CNTNAP2: variants seen among roughly 807,000 people sequenced by gnomAD.
The protein encoded by CNTNAP2 is contactin-associated protein-like 2.
In CNTNAP2, 98 loss-of-function variants were observed where a neutral mutation model predicts 155.2. The ratio of observed to expected loss-of-function variants is 0.63; its 90% CI spans 0.54 to 0.75. The LOEUF (loss-of-function observed/expected upper bound fraction) is 0.75. CNTNAP2 is among the 30% of genes least tolerant of loss of function. CNTNAP2 has a pLI of 0.00. For missense variants in CNTNAP2, 1,727 were observed against 1,688.1 expected (o/e 1.02, Z -0.40); for synonymous variants, 651 against 631.2 (o/e 1.03, Z -0.47).
At chr7:147,097,079 A>C (rs1041518145) in intron 4 of CNTNAP2, among the ~76,000 whole-genome samples, 1 of 152,262 alleles carries the variant, frequency 6.6e-6, no homozygotes, top group African/African-American at 2.4e-5. Flanking sequence ...CTCAAAAGAT[A>C]CTGCACACAT....
intron 13 of CNTNAP2, among the ~76,000 whole-genome samples, chr7:147,643,842 T>C (rs1301634410): frequency 2.6e-5 from 4 of 152,230 alleles, no homozygotes; most frequent in African/African-American, 9.6e-5. Context: ...GACCTCATTT[T>C]TATTTTGATA....
At chr7:146,634,470 A>G (rs573662010) in intron 1 of CNTNAP2, among the ~76,000 whole-genome samples, 2 of 152,282 alleles carry the variant, frequency 1.3e-5, no homozygotes, top group East Asian at 3.9e-4. Flanking sequence ...TCAAACATCA[A>G]TAGAGAGATT....
chr7:146,381,183 C>T (rs964406638), intron 1 of CNTNAP2, among the ~76,000 whole-genome samples: 6 of 152,044 alleles, frequency 3.9e-5, no homozygotes, highest in African/African-American at 1.4e-4. Context: ...GAACATGTCA[C>T]AAGCAGAGAC....
chr7:146,783,518 C>T (rs1419972494), intron 2 of CNTNAP2, among the ~76,000 whole-genome samples: 1 of 152,156 alleles, frequency 6.6e-6, no homozygotes. Flanking sequence ...ATCATTGACA[C>T]TTGTTATAAA....
intron 15 of CNTNAP2, among the ~76,000 whole-genome samples, chr7:148,077,958 C>T (rs1803524053): frequency 2.0e-5 from 3 of 152,060 alleles, no homozygotes; most frequent in African/African-American, 4.8e-5. Flanking sequence ...GATTATACCA[C>T]AGAGTTACTA....
Position 147,043,997 on chromosome 7 carries a change from G to T in CNTNAP2, c.493G>T (p.Asp165Tyr). 1 of 1,614,206 alleles carries T rather than the reference G, an allele frequency of 6.2e-7. No individual in the cohort carries two copies. The highest frequency in any genetic ancestry group is 8.5e-7 in the Non-Finnish European group (1 of 1,180,030). Residue 165 changes from aspartate to tyrosine, a missense_variant, in exon 4 of 24, where the codon GAT becomes TAT. Physicochemically the swap from Asp to Tyr is radical, Grantham distance 160. Transcript: ENST00000361727. ...IARYVRIVPL[D>Y]WNGEGRIGLR... ...CCGCTATGTGCGCATAGTGCCTCTG[G>T]ATTGGAATGGAGAAGGTCGCATTGG...
Position 146,283,385 on chromosome 7 carries a change from T to C in CNTNAP2, c.97+166412T>C, listed in dbSNP as rs535464415. On this transcript the variant is annotated intron_variant, in intron 1 of 23. Transcript: ENST00000361727. The stretch of plus-strand genomic sequence containing the variant: ...TCTGTTTTTCGTTTTGTTTTGTTTT[T>C]TTAACAAGGTCTTGCTCTGTGGCTC... Among the ~76,000 whole-genome samples the C allele has an allele frequency of 2.0e-3, 307 of 152,258 alleles. 3 individuals are homozygous for C. The highest frequency in any genetic ancestry group is 6.9e-3 in the African/African-American group (288 of 41,550).
intron 17 of CNTNAP2, among the ~76,000 whole-genome samples, chr7:148,168,727 A>G (rs1398087978): frequency 2.6e-5 from 4 of 152,298 alleles, no homozygotes; most frequent in Non-Finnish European, 4.4e-5. Context: ...AAAAAGAAAA[A>G]TATCTCCATT....
At chr7:146,273,960 G>A (rs913623545) in intron 1 of CNTNAP2, among the ~76,000 whole-genome samples, 4 of 151,870 alleles carry the variant, frequency 2.6e-5, no homozygotes, top group South Asian at 2.1e-4. Flanking sequence ...ATGTTAGTTC[G>A]ATCTCCTTAT....
At chr7:146,352,786 T>C (rs367991911) in intron 1 of CNTNAP2, among the ~76,000 whole-genome samples, 2 of 128,400 alleles carry the variant, frequency 1.6e-5, no homozygotes, top group Non-Finnish European at 3.1e-5. Flanking sequence ...ACAGAGTCTC[T>C]CTCTGTCGCC....
At position 147,363,114 on chromosome 7, in the gene CNTNAP2, C is replaced by G. The variant is rs80141323; in HGVS notation, c.1499-32495C>G. 1.6e-3 allele frequency among the ~76,000 whole-genome samples: 246 copies of G among 152,208 alleles called. 1 individual carries two copies. Among genetic ancestry groups the G allele is most frequent in the African/African-American group, 5.7e-3 (235 of 41,540 alleles). On this transcript the variant is annotated intron_variant, in intron 9 of 23. Transcript: ENST00000361727. ...GATAGCATCCAACGGGATGCTAATA[C>G]GTGGTGGGACCTTTGGAAGGAAATT...
intron 21 of CNTNAP2, among the ~76,000 whole-genome samples, chr7:148,348,308 A>G (rs1447144418): frequency 6.6e-6 from 1 of 152,246 alleles, no homozygotes; most frequent in Non-Finnish European, 1.5e-5. Flanking sequence ...GGAGGGGACC[A>G]CATTATAAGC....
chr7:146,312,189 T>C (rs1800836305), intron 1 of CNTNAP2, among the ~76,000 whole-genome samples: 1 of 152,168 alleles, frequency 6.6e-6, no homozygotes, highest in African/African-American at 2.4e-5. Context: ...CTCGATCTCA[T>C]TGAGGAACTT....
chr7:147,118,494 A>G (rs1219017636), intron 5 of CNTNAP2, among the ~76,000 whole-genome samples: 3 of 152,334 alleles, frequency 2.0e-5, no homozygotes, highest in Admixed American at 6.5e-5. Context: ...AAATGTATCA[A>G]TCTATCGATC....
intron 11 of CNTNAP2, among the ~76,000 whole-genome samples, chr7:147,491,703 T>G (rs1798612815): frequency 6.6e-6 from 1 of 152,168 alleles, no homozygotes; most frequent in African/African-American, 2.4e-5. Context: ...TTTCTTTAAA[T>G]TTTATTCAAT....
chr7:147,261,410 G>A (rs1000361064), intron 8 of CNTNAP2, among the ~76,000 whole-genome samples: 31 of 152,116 alleles, frequency 2.0e-4, no homozygotes. Flanking sequence ...CTGATCAGAA[G>A]GTCTAAGATA....
intron 18 of CNTNAP2, among the ~76,000 whole-genome samples, chr7:148,207,523 T>C (rs1795471916): frequency 6.6e-6 from 1 of 152,222 alleles, no homozygotes; most frequent in Non-Finnish European, 1.5e-5. Context: ...TCTTTTTTGC[T>C]CTTTTTCTTT....
intron 15 of CNTNAP2, among the ~76,000 whole-genome samples, chr7:148,066,094 G>A (rs745894552): frequency 1.3e-5 from 2 of 152,114 alleles, no homozygotes; most frequent in Non-Finnish European, 1.5e-5. Context: ...TTTGTTTAAG[G>A]AGGCTAAAGA....
intron 1 of CNTNAP2, among the ~76,000 whole-genome samples, chr7:146,465,886 A>G (rs1796710184): frequency 6.6e-6 from 1 of 152,170 alleles, no homozygotes. Flanking sequence ...GAATTATCAC[A>G]TATACGGTGT....
Sources: allele counts gnomAD v4.1 joint callset (sites outside exome capture counted in the v4.1 genomes callset), GRCh38; gene constraint gnomAD v4.1.1; transcripts MANE v1.5; gene names NCBI Gene and HGNC (gene_info 2026-07-23, HGNC 2026-07-21).